Variants in MARK1 observed in about 807,000 individuals in gnomAD.
MARK1 encodes microtubule affinity regulating kinase 1.
MARK1 carries 40 observed loss-of-function variants against 96.3 expected under a neutral mutation model. The observed-to-expected ratio is 0.42, with a 90% CI of 0.32 to 0.54. The LOEUF (loss-of-function observed/expected upper bound fraction) is 0.54. MARK1 is among the 20% of genes least tolerant of loss of function. The pLI is 0.16. For missense variants in MARK1, 719 were observed against 984.6 expected (o/e 0.73, Z 3.61); for synonymous variants, 317 against 341.2 (o/e 0.93, Z 0.78).
In MARK1 at chr1:220,558,063, A is replaced by G. The variant is rs1329530353; in HGVS notation, c.52-21291A>G. ...TAGGATCACCTGAGCCTGGGAGGTCAAGGTTGCAGCAGTGAGTCATGATCA... is the reference window on the plus strand; with the variant it reads ...TAGGATCACCTGAGCCTGGGAGGTCGAGGTTGCAGCAGTGAGTCATGATCA... On this transcript the variant is annotated intron_variant, in intron 1 of 17. Coordinates refer to ENST00000366917, the MANE Select transcript of MARK1 (RefSeq NM_018650.5). Among the ~76,000 whole-genome samples the G allele has an allele frequency of 2.0e-5, 3 of 151,406 alleles. No individual in the cohort carries two copies. The East Asian group carries it at 5.8e-4, about 29-fold the overall frequency.
chr1:220,661,291 T>C (rs1394739715), intron 17 of MARK1, among the ~76,000 whole-genome samples: 3 of 152,196 alleles, frequency 2.0e-5, no homozygotes, highest in South Asian at 2.1e-4. Context: ...CTGGAGGACA[T>C]TGAGATGTGT....
chr1:220,625,754 G>A (rs898042689), intron 9 of MARK1: 2 of 446,292 alleles, frequency 4.5e-6, no homozygotes, highest in Non-Finnish European at 9.1e-6. Context: ...CGCAGACACA[G>A]GGCACCAGGA....
chr1:220,647,220 C>T (rs1185146925), intron 13 of MARK1, among the ~76,000 whole-genome samples: 1 of 151,854 alleles, frequency 6.6e-6, no homozygotes, highest in Non-Finnish European at 1.5e-5. Flanking sequence ...AAAAAAGAAC[C>T]CCATTAAAAA....
At chr1:220,544,037 A>G (rs1429824255) in intron 1 of MARK1, among the ~76,000 whole-genome samples, 1 of 152,244 alleles carries the variant, frequency 6.6e-6, no homozygotes, top group Non-Finnish European at 1.5e-5. Context: ...ATCCTTTTGT[A>G]GGTGATGACA....
At chr1:220,626,025 C>A (rs879109184) in intron 9 of MARK1, 30 of 555,908 alleles carry the variant, frequency 5.4e-5, no homozygotes, top group South Asian at 3.3e-4. Flanking sequence ...TCAACGTCAG[C>A]AAGGACTGTC....
chr1:220,555,359 G>T (rs1207395110), intron 1 of MARK1, among the ~76,000 whole-genome samples: 2 of 152,206 alleles, frequency 1.3e-5, no homozygotes, highest in Admixed American at 1.3e-4. Context: ...TATTCTGGCT[G>T]CTGTGGGCAG....
intron 1 of MARK1, among the ~76,000 whole-genome samples, chr1:220,567,873 C>G (rs1663168411): frequency 6.6e-6 from 1 of 152,162 alleles, no homozygotes; most frequent in Non-Finnish European, 1.5e-5. Context: ...AGCTTATCCT[C>G]TTAATTACCA....
intron 3 of MARK1, among the ~76,000 whole-genome samples, chr1:220,591,269 T>G (rs1664962991): frequency 6.6e-6 from 1 of 152,188 alleles, no homozygotes; most frequent in Non-Finnish European, 1.5e-5. Flanking sequence ...GTCTATTTCT[T>G]TAGATTAGTT....
At chr1:220,634,035 C>A (rs889194726) in intron 11 of MARK1, among the ~76,000 whole-genome samples, 2 of 152,140 alleles carry the variant, frequency 1.3e-5, no homozygotes, top group African/African-American at 2.4e-5. Flanking sequence ...TCCCAGTGAA[C>A]CTACCAGGTA....
intron 1 of MARK1, among the ~76,000 whole-genome samples, chr1:220,541,961 T>G (rs955637824): frequency 6.6e-6 from 1 of 152,240 alleles, no homozygotes; most frequent in Non-Finnish European, 1.5e-5. Context: ...GTCCCTCTTA[T>G]CCTCTCTTGC....
intron 3 of MARK1, among the ~76,000 whole-genome samples, chr1:220,582,209 C>T (rs769553114): frequency 6.6e-6 from 1 of 152,154 alleles, no homozygotes; most frequent in East Asian, 1.9e-4. Flanking sequence ...ACCAGTATAA[C>T]TTTTCATAAC....
intron 1 of MARK1, among the ~76,000 whole-genome samples, chr1:220,556,503 A>AAAC (rs1558256422): frequency 8.4e-5 from 12 of 142,602 alleles, no homozygotes; most frequent in South Asian, 2.2e-4. Context: ...AAAAAAAAAA[A>AAAC]AAACAAATTA....
chr1:220,629,630 A>G (rs936387809), intron 9 of MARK1, among the ~76,000 whole-genome samples: 11 of 152,176 alleles, frequency 7.2e-5, no homozygotes, highest in Admixed American at 6.6e-4. Flanking sequence ...AGCCCCAGCA[A>G]TCACCATTCT....
At chr1:220,530,616 T>A (rs1377585703) in intron 1 of MARK1, among the ~76,000 whole-genome samples, 1 of 152,212 alleles carries the variant, frequency 6.6e-6, no homozygotes, top group African/African-American at 2.4e-5. Flanking sequence ...ACATGAGATA[T>A]AATTATAGAA....
chr1:220,618,274 C>G lies in MARK1; in HGVS notation c.553-36C>G. On this transcript the variant is annotated intron_variant, in intron 7 of 17. Transcript: ENST00000366917. The surrounding 1 kb of genome is among the most constrained non-coding windows in gnomAD (Gnocchi z 4.6). ...TACAAATATTTTTATTTTATGTAGG[C>G]TTTTTACATTGTTCTTTCTATTATT... 1 of 1,279,782 alleles carries G rather than the reference C, an allele frequency of 7.8e-7. No individual in the cohort carries two copies. The allele number at this position is 1,279,782 out of a possible 1,614,324, so 79.3% of individuals were successfully genotyped here. A position where few individuals can be genotyped will look rare whatever the true frequency, so the allele number is the denominator to read the frequency against.
intron 1 of MARK1, among the ~76,000 whole-genome samples, chr1:220,530,286 A>G (rs759193937): frequency 1.3e-5 from 2 of 152,210 alleles, no homozygotes; most frequent in Non-Finnish European, 2.9e-5. Context: ...CATTTGCATC[A>G]TAACTATTTT....
rs370190527 is a variant in MARK1, at chr1:220,530,795, A to C, written c.51+1922A>C. 8.5e-5 allele frequency among the ~76,000 whole-genome samples: 13 copies of C among 152,230 alleles called. No individual in the cohort carries two copies. In the East Asian group the frequency reaches 2.3e-3, roughly 27 times the overall value. ...TTTCTGAACATGTTATTTCAAAGTC[A>C]CTTTTATGGTCTTGTGCCTTATTGT... On this transcript the variant is annotated intron_variant, in intron 1 of 17. Transcript: ENST00000366917.
Position 220,618,193 on chromosome 1 carries a change from A to G in MARK1, c.553-117A>G. On this transcript the variant is annotated intron_variant, in intron 7 of 17. Coordinates refer to ENST00000366917, the MANE Select transcript of MARK1 (RefSeq NM_018650.5). This position sits in a 1 kb window ranked among gnomAD's most constrained non-coding sequence, Gnocchi z 4.6. ...ACCATACTGGGCTTCTAAATTTGAT[A>G]CTACATTTAGAAATGAGGGGCAAGA... is the stretch of plus-strand genomic sequence containing the variant. 3.0e-6 allele frequency: 2 copies of G among 669,880 alleles called. No individual in the cohort carries two copies. The highest frequency in any genetic ancestry group is 5.1e-6 in the Non-Finnish European group (2 of 390,066). 41.5% of individuals were successfully genotyped at this position (669,880 alleles called of 1,614,324 possible). A position where few individuals can be genotyped will look rare whatever the true frequency, so the allele number is the denominator to read the frequency against.
intron 13 of MARK1, 24 bp downstream of exon 13, chr1:220,636,050 G>A (rs1454382714): frequency 1.4e-6 from 2 of 1,451,586 alleles, no homozygotes; most frequent in South Asian, 1.4e-5. Flanking sequence ...CTGGTATATT[G>A]CAATTTATTG....
Sources: allele counts gnomAD v4.1 joint callset (sites outside exome capture counted in the v4.1 genomes callset), GRCh38; gene constraint gnomAD v4.1.1; non-coding constraint Gnocchi (gnomAD v3.1); transcripts MANE v1.5; gene names NCBI Gene and HGNC (gene_info 2026-07-23, HGNC 2026-07-21).